ENOX1: variants seen among roughly 807,000 people sequenced by gnomAD.
ENOX1 encodes ecto-NOX disulfide-thiol exchanger 1, also known as candidate growth-related and time keeping constitutive hydroquinone (NADH) oxidase.
Under a neutral mutation model 82.5 loss-of-function variants are expected in ENOX1, and 42 were observed. The observed-to-expected ratio is 0.51, with a 90% confidence interval of 0.40 to 0.66. ENOX1 has a LOEUF of 0.66. ENOX1 is among the 30% of genes least tolerant of loss of function. The pLI, the probability that ENOX1 is intolerant of heterozygous loss-of-function variation, is 0.00. For missense variants in ENOX1, 608 were observed against 811.6 expected, an observed-to-expected ratio of 0.75 and a Z score of 3.05; for synonymous variants, 271 against 282.2, an observed-to-expected ratio of 0.96 and a Z score of 0.40.
intron 2 of ENOX1, among the ~76,000 whole-genome samples, chr13:43,648,437 A>G (rs766986866): frequency 2.0e-5 from 3 of 152,202 alleles, no homozygotes; most frequent in Non-Finnish European, 2.9e-5. Flanking sequence ...TGCAAACAGT[A>G]GAAAGTGCTG....
intron 11 of ENOX1, among the ~76,000 whole-genome samples, chr13:43,317,342 C>A (rs2047560475): frequency 6.6e-6 from 1 of 152,068 alleles, no homozygotes; most frequent in Non-Finnish European, 1.5e-5. Flanking sequence ...ATTTAGTAAC[C>A]CTCTCCTTCT....
At chr13:43,680,600 G>A (rs1348636086) in intron 1 of ENOX1, among the ~76,000 whole-genome samples, 1 of 152,176 alleles carries the variant, frequency 6.6e-6, no homozygotes, top group Non-Finnish European at 1.5e-5. Context: ...ACTTCGGCAA[G>A]TTATTTAACC....
At chr13:43,573,213 T>G (rs2080261054) in intron 2 of ENOX1, among the ~76,000 whole-genome samples, 1 of 152,196 alleles carries the variant, frequency 6.6e-6, no homozygotes, top group Admixed American at 6.5e-5. Flanking sequence ...TGTCACTGCC[T>G]CACATCCTCA....
intron 12 of ENOX1, among the ~76,000 whole-genome samples, chr13:43,283,156 A>AT (rs1305984465): frequency 2.6e-5 from 4 of 151,838 alleles, no homozygotes; most frequent in Admixed American, 6.6e-5. Flanking sequence ...TTGATTAGTT[A>AT]TTTTTTCCTA....
Position 43,256,181 on chromosome 13 carries a change from A to G in ENOX1, c.1611+9217T>C, listed in dbSNP as rs369969105. On this transcript the variant is annotated intron_variant, in intron 14 of 16. Coordinates refer to ENST00000690772, the MANE Select transcript of ENOX1 (RefSeq NM_001347969.2). The stretch of plus-strand genomic sequence containing the variant: ...AATGGATTAAATACGTAAATGTAAG[A>G]CCAGAAAGTATGAAACTACTAGGAG... Among the ~76,000 whole-genome samples, 15 of 152,212 alleles carry G rather than the reference A, an allele frequency of 9.9e-5. No individual in the cohort carries two copies. In the East Asian group the frequency reaches 1.3e-3, roughly 14 times the overall value.
chr13:43,739,764 G>T (rs1000732677), intron 1 of ENOX1, among the ~76,000 whole-genome samples: 1 of 151,768 alleles, frequency 6.6e-6, no homozygotes, highest in Non-Finnish European at 1.5e-5. Flanking sequence ...GTGATATACG[G>T]TTAACCCTTA....
intron 12 of ENOX1, among the ~76,000 whole-genome samples, chr13:43,287,962 T>C (rs1055398177): frequency 2.6e-5 from 4 of 152,182 alleles, no homozygotes; most frequent in Non-Finnish European, 4.4e-5. Flanking sequence ...TCTTAGGATG[T>C]ACCAGGAGTG....
chr13:43,240,781 T>C (rs1272287016), intron 14 of ENOX1, among the ~76,000 whole-genome samples: 1 of 152,244 alleles, frequency 6.6e-6, no homozygotes, highest in East Asian at 1.9e-4. Context: ...GTTTCTGAAC[T>C]TAGAAGCAAG....
At chr13:43,225,203 C>A (rs2041969774) in intron 15 of ENOX1, among the ~76,000 whole-genome samples, 1 of 152,154 alleles carries the variant, frequency 6.6e-6, no homozygotes, top group Admixed American at 6.5e-5. Flanking sequence ...TAAGTGGGAG[C>A]TTAACAGTGG....
chr13:43,460,648 G>T (rs1478549381), intron 3 of ENOX1, among the ~76,000 whole-genome samples: 2 of 151,998 alleles, frequency 1.3e-5, no homozygotes, highest in Non-Finnish European at 2.9e-5. Context: ...CAAAAAATTA[G>T]CTGGGCATGG....
intron 5 of ENOX1, among the ~76,000 whole-genome samples, chr13:43,386,095 G>C (rs778223159): frequency 2.0e-5 from 3 of 152,210 alleles, no homozygotes; most frequent in Non-Finnish European, 2.9e-5. Flanking sequence ...GAGCCTTGGA[G>C]ATGGAGGATG....
chr13:43,432,726 C>T (rs140684989), intron 3 of ENOX1, among the ~76,000 whole-genome samples: 14 of 152,236 alleles, frequency 9.2e-5, no homozygotes, highest in African/African-American at 2.9e-4. Flanking sequence ...GTTTCAACTC[C>T]GTCTCAGCCC....
chr13:43,292,081 C>G (rs1238534590), intron 12 of ENOX1, among the ~76,000 whole-genome samples: 6 of 152,098 alleles, frequency 3.9e-5, no homozygotes, highest in Non-Finnish European at 8.8e-5. Flanking sequence ...CATGAAGAAA[C>G]CTGTACATAA....
At chr13:43,456,060 T>TA (rs1445684455) in intron 3 of ENOX1, among the ~76,000 whole-genome samples, 1 of 152,172 alleles carries the variant, frequency 6.6e-6, no homozygotes, top group Non-Finnish European at 1.5e-5. Flanking sequence ...TATTCTTCTA[T>TA]AAGTTTAATT....
At chr13:43,271,402 A>G (rs2044673790) in intron 12 of ENOX1, among the ~76,000 whole-genome samples, 1 of 152,144 alleles carries the variant, frequency 6.6e-6, no homozygotes, top group Non-Finnish European at 1.5e-5. Context: ...CAGCATATTC[A>G]TAGGAAAGGA....
At chr13:43,709,704 G>C (rs2087559482) in intron 1 of ENOX1, among the ~76,000 whole-genome samples, 1 of 151,928 alleles carries the variant, frequency 6.6e-6, no homozygotes, top group Non-Finnish European at 1.5e-5. Context: ...AAGATAAAAA[G>C]GTAGAAGTTG....
At chr13:43,568,510 A>G (rs1168939010) in intron 2 of ENOX1, among the ~76,000 whole-genome samples, 1 of 152,184 alleles carries the variant, frequency 6.6e-6, no homozygotes, top group Admixed American at 6.5e-5. Context: ...CTCCTCCAAG[A>G]AACATTTTGA....
intron 5 of ENOX1, among the ~76,000 whole-genome samples, chr13:43,402,102 G>C (rs2153590775): frequency 6.6e-6 from 1 of 152,192 alleles, no homozygotes; most frequent in Non-Finnish European, 1.5e-5. Flanking sequence ...ACAGATAATA[G>C]AATCAGTAGA....
intron 5 of ENOX1, among the ~76,000 whole-genome samples, chr13:43,391,908 A>G (rs1201969459): frequency 6.6e-6 from 1 of 152,220 alleles, no homozygotes; most frequent in Non-Finnish European, 1.5e-5. Context: ...TAGAATTAAG[A>G]TCAAACCCTT....
Sources: allele counts gnomAD v4.1 joint callset (sites outside exome capture counted in the v4.1 genomes callset), GRCh38; gene constraint gnomAD v4.1.1; transcripts MANE v1.5; gene names NCBI Gene and HGNC (gene_info 2026-07-23, HGNC 2026-07-21).